DMD: variants seen among roughly 807,000 people sequenced by gnomAD.
The protein encoded by DMD is mutant dystrophin.
DMD carries 63 observed loss-of-function variants against 330.1 expected under a neutral mutation model. That is an observed-to-expected ratio of 0.19 (90% CI 0.16 to 0.24). The LOEUF is 0.24. Among genes scored for constraint, DMD ranks in the 10% least tolerant of loss-of-function variants. The probability of loss-of-function intolerance (pLI) is 1.00; values close to 1 mark genes in which losing one functional copy is unlikely to be tolerated. For synonymous variants in DMD, 1,223 were observed against 959.8 expected (o/e 1.27, Z -5.07); for missense variants, 3,344 against 2,684.1 (o/e 1.25, Z -5.43).
intron 44 of DMD, among the ~76,000 whole-genome samples, chrX:32,019,802 T>G (rs887770058): frequency 1.8e-5 from 2 of 112,528 alleles, no homozygotes; most frequent in Non-Finnish European, 3.8e-5. Context: ...ATAGAATATC[T>G]CAACTCTTTC....
At chrX:31,963,486 A>G (rs772603274) in intron 45 of DMD, among the ~76,000 whole-genome samples, 1 of 111,805 alleles carries the variant, frequency 8.9e-6, no homozygotes, top group South Asian at 3.7e-4. Flanking sequence ...GTCAAGAATC[A>G]TTTCCAAGGT....
At chrX:31,370,520 TA>T (rs1283165133) in intron 60 of DMD, among the ~76,000 whole-genome samples, 1 of 111,735 alleles carries the variant, frequency 8.9e-6, no homozygotes, top group Non-Finnish European at 1.9e-5. Context: ...TGGCTAAAAA[TA>T]AAAAATAATG....
intron 18 of DMD, among the ~76,000 whole-genome samples, chrX:32,507,106 T>G: frequency 9.0e-6 from 1 of 111,593 alleles, no homozygotes; most frequent in Admixed American, 9.5e-5. Context: ...ATAAGCACAT[T>G]TAAGTAAATA....
intron 2 of DMD, among the ~76,000 whole-genome samples, chrX:33,009,999 T>C (rs1330040525): frequency 6.5e-5 from 2 of 30,902 alleles, no homozygotes; most frequent in African/African-American, 1.3e-4. Flanking sequence ...TATATACACG[T>C]ATGTATGTGT....
chrX:31,605,685 A>C (rs768391812), intron 55 of DMD, among the ~76,000 whole-genome samples: 33 of 111,416 alleles, frequency 3.0e-4, no homozygotes, highest in Non-Finnish European at 5.5e-4. Context: ...GAGATCTTAA[A>C]ATGAGCAATG....
In DMD at chrX:33,009,408, A is replaced by G. The variant is rs183379936; in HGVS notation, c.93+10731T>C. The stretch of plus-strand genomic sequence containing the variant: ...CGTGTATATATGTGTGTATATGTGT[A>G]TATACACATGTGTGTATATGTATGT... On this transcript the variant is annotated intron_variant, in intron 2 of 78. Coordinates refer to ENST00000357033, the MANE Select transcript of DMD (RefSeq NM_004006.3). Among the ~76,000 whole-genome samples the G allele has an allele frequency of 6.2e-3, 554 of 89,747 alleles. 130 individuals are homozygous for G. Among genetic ancestry groups the G allele is most frequent in the African/African-American group, 0.022 (513 of 23,647 alleles). 77.9% of individuals were successfully genotyped at this position (89,747 alleles called of 115,157 possible).
At chrX:32,502,682 G>A (rs145557597) in intron 18 of DMD, among the ~76,000 whole-genome samples, 2 of 112,307 alleles carry the variant, frequency 1.8e-5, no homozygotes, top group African/African-American at 3.2e-5. Context: ...CAACACACCT[G>A]TGACTTAACA....
intron 60 of DMD, among the ~76,000 whole-genome samples, chrX:31,411,068 G>A (rs1472635599): frequency 1.8e-5 from 2 of 110,163 alleles, no homozygotes; most frequent in African/African-American, 6.6e-5. Context: ...ACCCAACCCC[G>A]ATAACTTTTT....
intron 30 of DMD, among the ~76,000 whole-genome samples, chrX:32,400,562 C>A (rs1569561144): frequency 9.1e-6 from 1 of 110,186 alleles, no homozygotes. Context: ...CCTCTGCAGC[C>A]AAAAAACACA....
At chrX:31,755,068 G>A (rs769468173) in intron 51 of DMD, among the ~76,000 whole-genome samples, 83 of 111,511 alleles carry the variant, frequency 7.4e-4, no homozygotes, top group African/African-American at 2.6e-3. Flanking sequence ...AGGAATTCAC[G>A]TGGGGATAGA....
chrX:31,388,062 C>T (rs2060527930), intron 60 of DMD, among the ~76,000 whole-genome samples: 1 of 106,562 alleles, frequency 9.4e-6, no homozygotes, highest in Non-Finnish European at 1.9e-5. Flanking sequence ...TGCAGTGGCA[C>T]GATCTCGGCT....
rs775557151 is a variant in DMD, at chrX:32,843,103, G to C, written c.264+1680C>G. Among the ~76,000 whole-genome samples, 3 of 112,024 alleles carry C rather than the reference G, an allele frequency of 2.7e-5. No homozygotes were observed. In the East Asian group the frequency reaches 8.5e-4, roughly 32 times the overall value. On this transcript the variant is annotated intron_variant, in intron 4 of 78. Coordinates refer to ENST00000357033, the MANE Select transcript of DMD (RefSeq NM_004006.3). ...GATTACAGGCATGAGCACCGCGCCC[G>C]ACCTGTACCGCATTTTCTTTATGCA...
At chrX:31,724,509 C>G (rs953306495) in intron 52 of DMD, among the ~76,000 whole-genome samples, 2 of 110,717 alleles carry the variant, frequency 1.8e-5, no homozygotes, top group African/African-American at 6.5e-5. Context: ...TATAAGCTAT[C>G]ACTAAATTTC....
intron 1 of DMD, among the ~76,000 whole-genome samples, chrX:33,235,866 GT>G (rs1448441953): frequency 9.2e-6 from 1 of 108,559 alleles, no homozygotes; most frequent in Non-Finnish European, 1.9e-5. Context: ...ATTTTCCAAA[GT>G]TTGCAAAACT....
chrX:31,529,872 T>C (rs1455894887), intron 55 of DMD, among the ~76,000 whole-genome samples: 3 of 104,888 alleles, frequency 2.9e-5, no homozygotes, highest in African/African-American at 1.1e-4. Flanking sequence ...GATCCTAGAA[T>C]AGCTTCTTGA....
chrX:32,463,357 C>G, intron 25 of DMD, 82 bp downstream of exon 25: 14 of 970,794 alleles, frequency 1.4e-5, no homozygotes, highest in Non-Finnish European at 1.9e-5. Flanking sequence ...AAGCCTTAAC[C>G]AAAAGTAACG....
intron 62 of DMD, among the ~76,000 whole-genome samples, chrX:31,302,666 A>G (rs912211545): frequency 9.0e-6 from 1 of 111,412 alleles, no homozygotes; most frequent in Non-Finnish European, 1.9e-5. Context: ...AGTAAAAAAA[A>G]AAATGCAATT....
At chrX:32,816,719 G>T in intron 5 of DMD, 79 bp from the exon 6 acceptor site, 1 of 976,320 alleles carries the variant, frequency 1.0e-6, no homozygotes, top group Non-Finnish European at 1.5e-6. Context: ...GAATGTCCTT[G>T]ATCTTCAGTG....
intron 7 of DMD, among the ~76,000 whole-genome samples, chrX:32,766,290 G>A (rs1036893130): frequency 9.0e-6 from 1 of 111,096 alleles, no homozygotes; most frequent in African/African-American, 3.3e-5. Context: ...GAGTAACTCG[G>A]ATACCTCAAC....
Sources: gnomAD v4.1 joint callset for allele counts (sites outside exome capture counted in the v4.1 genomes callset) on GRCh38, gnomAD v4.1.1 for gene constraint, MANE v1.5 for transcripts, NCBI Gene and HGNC (gene_info 2026-07-23, HGNC 2026-07-21) for gene names.